The following NREP variants were observed in gnomAD, a reference collection of about 807,000 sequenced individuals.
The protein encoded by NREP is neuronal regeneration-related protein.
NREP carries 5 observed loss-of-function variants against 8.6 expected under a neutral mutation model. That is an observed-to-expected ratio of 0.58 (90% confidence interval 0.30 to 1.22). The LOEUF (loss-of-function observed/expected upper bound fraction) is 1.22. Among genes scored for constraint, NREP ranks in the 50% most tolerant of loss-of-function variants. The pLI is 0.07. For synonymous variants in NREP, 27 were observed against 28.0 expected, an observed-to-expected ratio of 0.96 and a Z score of 0.11; for missense variants, 86 against 82.5, an observed-to-expected ratio of 1.04 and a Z score of -0.17.
intron 2 of NREP, among the ~76,000 whole-genome samples, chr5:111,958,314 T>C (rs1756385228): frequency 1.3e-5 from 2 of 151,840 alleles, no homozygotes; most frequent in South Asian, 2.1e-4. Flanking sequence ...AGAAAAAAAA[T>C]TGGACATAAA....
chr5:111,931,027 G>T (rs1350910525), intron 2 of NREP, among the ~76,000 whole-genome samples: 1 of 152,016 alleles, frequency 6.6e-6, no homozygotes, highest in Non-Finnish European at 1.5e-5. Context: ...AGCATGGCAG[G>T]GTAGAAGACA....
At chr5:111,798,759 G>A (rs1033859188) in intron 2 of NREP, among the ~76,000 whole-genome samples, 1 of 94,144 alleles carries the variant, frequency 1.1e-5, no homozygotes, top group South Asian at 4.1e-4. Context: ...GTGTGTGTGT[G>A]TGTGTGTGTG....
rs114145985 is a variant in NREP, at chr5:111,963,193, G to A, written c.135+12081C>T. Among the ~76,000 whole-genome samples the A allele has an allele frequency of 3.9e-3, 593 of 152,344 alleles. 8 individuals are homozygous for A. Among genetic ancestry groups the A allele is most frequent in the African/African-American group, 0.013 (560 of 41,580 alleles). ...CACCCCCAGCTGAGCAACGCCATGG[G>A]GCCTGCATGGAGCCTGCTCCTGCCA... On this transcript the variant is annotated intron_variant, in intron 2 of 3. Transcript: ENST00000395634.
At chr5:111,731,569 G>A (rs539190572) in intron 3 of NREP, among the ~76,000 whole-genome samples, 28 of 152,028 alleles carry the variant, frequency 1.8e-4, no homozygotes, top group Non-Finnish European at 2.4e-4. Flanking sequence ...ATGTGCAATC[G>A]GCGCATGACA....
At chr5:111,975,800 T>A (rs940008624) in intron 1 of NREP, among the ~76,000 whole-genome samples, 1 of 152,204 alleles carries the variant, frequency 6.6e-6, no homozygotes, top group Non-Finnish European at 1.5e-5. Context: ...TAGAATTGAT[T>A]CATTCCTGTT....
At chr5:111,913,616 AG>A (rs1399103665) in intron 2 of NREP, among the ~76,000 whole-genome samples, 1 of 152,118 alleles carries the variant, frequency 6.6e-6, no homozygotes, top group African/African-American at 2.4e-5. Flanking sequence ...AAAAGATAAA[AG>A]GAGGAACTAA....
At chr5:111,750,541 A>G (rs999263625) in intron 2 of NREP, among the ~76,000 whole-genome samples, 1 of 152,160 alleles carries the variant, frequency 6.6e-6, no homozygotes, top group Non-Finnish European at 1.5e-5. Context: ...TATTCTTGCT[A>G]TTTCTGGCTC....
intron 2 of NREP, among the ~76,000 whole-genome samples, chr5:111,813,716 C>T: frequency 6.6e-6 from 1 of 152,018 alleles, no homozygotes; most frequent in South Asian, 2.1e-4. Context: ...CCATAGAAAA[C>T]AGAGAAGGGG....
chr5:111,757,397 A>AGT (rs1346591891), upstream of NREP: 51 of 972,816 alleles, frequency 5.2e-5, no homozygotes, highest in Admixed American at 3.1e-4. Flanking sequence ...TCTCTCCAAG[A>AGT]GTGTGTGTGT....
intron 2 of NREP, among the ~76,000 whole-genome samples, chr5:111,763,514 T>C (rs1057369433): frequency 6.6e-6 from 1 of 152,136 alleles, no homozygotes; most frequent in African/African-American, 2.4e-5. Context: ...CTCCTGGAGG[T>C]GAAGAACAAG....
At chr5:111,816,573 G>T (rs1465961087) in intron 2 of NREP, among the ~76,000 whole-genome samples, 1 of 151,746 alleles carries the variant, frequency 6.6e-6, no homozygotes, top group Admixed American at 6.6e-5. Context: ...AATACCTAGG[G>T]TATACTAAGG....
chr5:111,907,094 T>C (rs1468240487), intron 2 of NREP, among the ~76,000 whole-genome samples: 2 of 152,034 alleles, frequency 1.3e-5, no homozygotes, highest in African/African-American at 4.8e-5. Flanking sequence ...GGATTCAAGT[T>C]CCTTCTCAGA....
chr5:111,826,190 G>A (rs569585613), intron 2 of NREP, among the ~76,000 whole-genome samples: 23 of 152,094 alleles, frequency 1.5e-4, no homozygotes, highest in African/African-American at 5.3e-4. Context: ...CTAGCTAAAG[G>A]TTCGTAAACG....
chr5:111,904,474 C>G (rs1754727577), intron 2 of NREP, among the ~76,000 whole-genome samples: 1 of 152,102 alleles, frequency 6.6e-6, no homozygotes, highest in Non-Finnish European at 1.5e-5. Context: ...ACAGTTTTGC[C>G]TTTTCCAGAA....
At chr5:111,755,517 A>C in intron 2 of NREP, 1 of 500,302 alleles carries the variant, frequency 2.0e-6, no homozygotes, top group South Asian at 2.4e-5. Context: ...AAATTAAATA[A>C]ATCCTCACTT....
chr5:111,754,588 T>C (rs1333206053), intron 2 of NREP, among the ~76,000 whole-genome samples: 2 of 152,244 alleles, frequency 1.3e-5, no homozygotes, highest in East Asian at 3.8e-4. Context: ...AATATGAAGT[T>C]GGGAACCATT....
intron 2 of NREP, among the ~76,000 whole-genome samples, chr5:111,772,243 A>G (rs1400227988): frequency 2.0e-5 from 3 of 152,156 alleles, no homozygotes; most frequent in East Asian, 1.9e-4. Context: ...CATCTCAATC[A>G]CAGTATATTT....
chr5:111,883,967 T>C (rs1343710076), intron 2 of NREP, among the ~76,000 whole-genome samples: 1 of 151,806 alleles, frequency 6.6e-6, no homozygotes, highest in Non-Finnish European at 1.5e-5. Context: ...AAGAAATAAC[T>C]AATATCAGAG....
intron 2 of NREP, among the ~76,000 whole-genome samples, chr5:111,784,731 TTTGGCTGCAAATTACCTAG>T (rs1751569722): frequency 1.3e-5 from 2 of 152,314 alleles, no homozygotes; most frequent in South Asian, 4.1e-4. Flanking sequence ...CCAAACCTTA[TTTGGCTGCAAATTACCTAG>T]AGCACTATAG....
Sources: gnomAD v4.1 joint callset for allele counts (sites outside exome capture counted in the v4.1 genomes callset) on GRCh38, gnomAD v4.1.1 for gene constraint, MANE v1.5 for transcripts, NCBI Gene and HGNC (gene_info 2026-07-23, HGNC 2026-07-21) for gene names.